Variants in RIMS1 observed in about 807,000 individuals in gnomAD.
RIMS1 encodes the protein regulating synaptic membrane exocytosis 1.
RIMS1 carries 83 observed loss-of-function variants against 214.1 expected under a neutral mutation model. That is an observed-to-expected ratio of 0.39 (90% CI 0.32 to 0.47). RIMS1 has a LOEUF of 0.47. Ranked by LOEUF, RIMS1 falls within the 20% of genes least tolerant of loss-of-function variation. The probability of loss-of-function intolerance (pLI) is 0.99; values close to 1 mark genes in which losing one functional copy is unlikely to be tolerated. For missense variants in RIMS1, 2,050 were observed against 2,161.8 expected, an observed-to-expected ratio of 0.95 and a Z score of 1.03; for synonymous variants, 793 against 786.8, an observed-to-expected ratio of 1.01 and a Z score of -0.13.
intron 2 of RIMS1, among the ~76,000 whole-genome samples, chr6:72,007,571 C>G (rs933195116): frequency 1.3e-5 from 2 of 152,100 alleles, no homozygotes; most frequent in African/African-American, 4.8e-5. Flanking sequence ...AGTTAAAAAC[C>G]TTGAAAACAG....
At chr6:71,898,909 A>G (rs1216727583) in intron 1 of RIMS1, among the ~76,000 whole-genome samples, 3 of 152,104 alleles carry the variant, frequency 2.0e-5, no homozygotes, top group Non-Finnish European at 2.9e-5. Context: ...CTACCAACAC[A>G]TTCAAACATT....
chr6:72,396,304 G>A (rs1441526447), intron 31 of RIMS1, among the ~76,000 whole-genome samples: 1 of 152,098 alleles, frequency 6.6e-6, no homozygotes, highest in Non-Finnish European at 1.5e-5. Context: ...GTGTATTTGT[G>A]TATTTGCACA....
chr6:71,889,482 A>G (rs527523014), intron 1 of RIMS1, among the ~76,000 whole-genome samples: 2 of 152,304 alleles, frequency 1.3e-5, no homozygotes, highest in South Asian at 2.1e-4. Flanking sequence ...ATGCTGTTAT[A>G]CAACAGCTCT....
chr6:72,199,481 C>T (rs1050832209), intron 6 of RIMS1, among the ~76,000 whole-genome samples: 3 of 151,788 alleles, frequency 2.0e-5, no homozygotes, highest in Non-Finnish European at 4.4e-5. Context: ...TAGAATAAAC[C>T]CTTTTTTTCA....
chr6:71,901,333 G>T (rs901711768), intron 1 of RIMS1, among the ~76,000 whole-genome samples: 15 of 152,088 alleles, frequency 9.9e-5, no homozygotes, highest in African/African-American at 3.6e-4. Context: ...CAACCTTATT[G>T]TTAATGACCC....
At chr6:71,968,513 A>C (rs1475563075) in intron 1 of RIMS1, among the ~76,000 whole-genome samples, 1 of 152,200 alleles carries the variant, frequency 6.6e-6, no homozygotes, top group Non-Finnish European at 1.5e-5. Flanking sequence ...GAGGCCTCTC[A>C]GATCTTTTTG....
At chr6:71,965,652 A>C (rs977372124) in intron 1 of RIMS1, among the ~76,000 whole-genome samples, 1 of 152,188 alleles carries the variant, frequency 6.6e-6, no homozygotes, top group African/African-American at 2.4e-5. Flanking sequence ...GCGGTTGCAG[A>C]ATGTCTTATT....
At chr6:72,323,051 A>G (rs1593438053) in intron 28 of RIMS1, among the ~76,000 whole-genome samples, 1 of 152,198 alleles carries the variant, frequency 6.6e-6, no homozygotes, top group Non-Finnish European at 1.5e-5. Flanking sequence ...GAGGGGTATG[A>G]CAAACACTTT....
At chr6:72,031,843 T>G (rs1285180081) in intron 2 of RIMS1, among the ~76,000 whole-genome samples, 1 of 152,176 alleles carries the variant, frequency 6.6e-6, no homozygotes, top group Non-Finnish European at 1.5e-5. Context: ...TACTCTGTGT[T>G]ATTAAGGGTG....
chr6:72,105,544 T>C (rs1000542467), intron 4 of RIMS1, among the ~76,000 whole-genome samples: 2 of 152,168 alleles, frequency 1.3e-5, no homozygotes, highest in Non-Finnish European at 2.9e-5. Flanking sequence ...TTTATTCATT[T>C]ATTCAGGGAT....
At chr6:71,986,258 C>G (rs1167846844) in intron 2 of RIMS1, among the ~76,000 whole-genome samples, 1 of 149,904 alleles carries the variant, frequency 6.7e-6, no homozygotes, top group Non-Finnish European at 1.5e-5. Flanking sequence ...CTCATGGTGT[C>G]CATAATGTCT....
At chr6:72,268,163 G>A (rs1348756205) in intron 22 of RIMS1, among the ~76,000 whole-genome samples, 1 of 152,156 alleles carries the variant, frequency 6.6e-6, no homozygotes, top group African/African-American at 2.4e-5. Flanking sequence ...AGTACCCTTT[G>A]TGAACACGCC....
At chr6:72,361,172 G>A (rs1445467138) in intron 29 of RIMS1, among the ~76,000 whole-genome samples, 4 of 126,204 alleles carry the variant, frequency 3.2e-5, no homozygotes, top group South Asian at 5.3e-4. Context: ...ACAGTGGCAC[G>A]ACTCAGCTCA....
At chr6:72,225,271 A>G (rs1056617426) in intron 6 of RIMS1, among the ~76,000 whole-genome samples, 1 of 152,180 alleles carries the variant, frequency 6.6e-6, no homozygotes, top group African/African-American at 2.4e-5. Flanking sequence ...AATAAGAAGT[A>G]TCAGTCCCAC....
intron 1 of RIMS1, among the ~76,000 whole-genome samples, chr6:71,950,877 C>T (rs1789263233): frequency 6.6e-6 from 1 of 152,038 alleles, no homozygotes; most frequent in Admixed American, 6.6e-5. Context: ...GGAAGAATGC[C>T]TGAAGCATGG....
intron 26 of RIMS1, among the ~76,000 whole-genome samples, chr6:72,292,657 A>G (rs2093574895): frequency 6.6e-6 from 1 of 152,144 alleles, no homozygotes; most frequent in Non-Finnish European, 1.5e-5. Context: ...AATTTTCTAA[A>G]CTACCTGAGC....
chr6:72,212,099 A>G (rs762206492), intron 6 of RIMS1, among the ~76,000 whole-genome samples: 2 of 152,122 alleles, frequency 1.3e-5, no homozygotes, highest in Non-Finnish European at 2.9e-5. Context: ...ATTGAAATCC[A>G]AAACAATAAT....
intron 4 of RIMS1, among the ~76,000 whole-genome samples, chr6:72,147,991 G>A (rs1465184282): frequency 6.6e-6 from 1 of 152,188 alleles, no homozygotes; most frequent in Non-Finnish European, 1.5e-5. Context: ...TGACCCTGGA[G>A]TCCTGTGATG....
chr6:72,182,212 T>C, intron 5 of RIMS1, 72 bp from the exon 6 acceptor site: 1 of 1,427,530 alleles, frequency 7.0e-7, no homozygotes, highest in Non-Finnish European at 9.4e-7. Flanking sequence ...AAGACTGGAA[T>C]GAGAAGAAAA....
Sources: allele counts gnomAD v4.1 joint callset (sites outside exome capture counted in the v4.1 genomes callset), GRCh38; gene constraint gnomAD v4.1.1; transcripts MANE v1.5; gene names NCBI Gene and HGNC (gene_info 2026-07-23, HGNC 2026-07-21).